Variants in NELL2 observed in about 807,000 individuals in gnomAD.
The protein encoded by NELL2 is neural EGFL like 2, also known as protein kinase C-binding protein NELL2.
In NELL2, 41 loss-of-function variants were observed where a neutral mutation model predicts 109.6. That is an observed-to-expected ratio of 0.37 (90% confidence interval 0.29 to 0.49). NELL2 has a LOEUF of 0.49. Among genes scored for constraint, NELL2 ranks in the 20% least tolerant of loss-of-function variants. The pLI is 0.98. For synonymous variants in NELL2, 355 were observed against 344.7 expected, an observed-to-expected ratio of 1.03 and a Z score of -0.33; for missense variants, 900 against 1,008.3, an observed-to-expected ratio of 0.89 and a Z score of 1.45.
intron 13 of NELL2, among the ~76,000 whole-genome samples, chr12:44,647,358 C>A (rs1947131922): frequency 6.6e-6 from 1 of 152,118 alleles, no homozygotes; most frequent in Non-Finnish European, 1.5e-5. Context: ...ATAAGGGTTC[C>A]TCCACTTAGA....
In NELL2 at chr12:44,522,100, C is replaced by T; in HGVS notation, c.2075G>A (p.Cys692Tyr). Residue 692 changes from cysteine (C) to tyrosine (Y), a missense_variant, in exon 18 of 20, where the codon TGT becomes TAT. Coordinates refer to ENST00000429094, the MANE Select transcript of NELL2 (RefSeq NM_001145108.2). Reference sequence around the variant, plus strand: ...GCACTGACTACTAAGCCTTGGGTCACATTCAGGGCAGCAAAAAAGATCAAC... The same window carrying T: ...GCACTGACTACTAAGCCTTGGGTCATATTCAGGGCAGCAAAAAAGATCAAC... ...PTVDLFCCPECDPRLSSQCLH... is the reference protein window; with the variant it reads ...PTVDLFCCPEYDPRLSSQCLH... The T allele has an allele frequency of 6.2e-7, 1 of 1,614,102 alleles. No individual in the cohort carries two copies. The highest frequency in any genetic ancestry group is 1.6e-4 in the Middle Eastern group (1 of 6,062).
At chr12:44,650,299 AT>A (rs10572082) in intron 13 of NELL2, among the ~76,000 whole-genome samples, 9,820 of 142,924 alleles carry the variant, frequency 0.069, 402 homozygotes, top group Non-Finnish European at 0.092. Context: ...CCACCCCCCA[AT>A]TTTTTTTTTT....
At position 44,543,498 on chromosome 12, in the gene NELL2, TA is replaced by T. The variant is rs1942666427; in HGVS notation, c.1664-10778del. On this transcript the variant is annotated intron_variant, in intron 15 of 19. Coordinates refer to ENST00000429094, the MANE Select transcript of NELL2 (RefSeq NM_001145108.2). Reference sequence around the variant, plus strand: ...TTGTGTCATACTTATGCTCAGATCCTATTTCCCATTCATGGAGAATTTTAGG... The same window carrying T: ...TTGTGTCATACTTATGCTCAGATCCTTTTCCCATTCATGGAGAATTTTAGG... Among the ~76,000 whole-genome samples the T allele has an allele frequency of 2.0e-5, 3 of 152,334 alleles. No homozygotes were observed. In the South Asian group the frequency reaches 6.2e-4, roughly 32 times the overall value.
intron 10 of NELL2, 77 bp from the exon 11 acceptor site, chr12:44,711,471 A>C: frequency 7.9e-7 from 1 of 1,261,262 alleles, no homozygotes; most frequent in Non-Finnish European, 1.1e-6. Flanking sequence ...CCAGCATCTG[A>C]GAAGACTCTT....
rs528265300 is a variant in NELL2, at chr12:44,745,369, C to T, written c.994+29378G>A. Among the ~76,000 whole-genome samples, 182 of 152,290 alleles carry T rather than the reference C, an allele frequency of 1.2e-3. 1 individual carries two copies. Among genetic ancestry groups the T allele is most frequent in the African/African-American group, 4.0e-3 (166 of 41,538 alleles). ...ATACTGAATGGGCAAAAACTGGAAGCATTCCCTTTGAAAACTGGCACAAGA... is the reference window on the plus strand; with the variant it reads ...ATACTGAATGGGCAAAAACTGGAAGTATTCCCTTTGAAAACTGGCACAAGA... On this transcript the variant is annotated intron_variant, in intron 9 of 19. Transcript: ENST00000429094.
chr12:44,721,855 G>T (rs1938791461), intron 9 of NELL2, among the ~76,000 whole-genome samples: 1 of 152,082 alleles, frequency 6.6e-6, no homozygotes, highest in South Asian at 2.1e-4. Flanking sequence ...TTGAGGTGCA[G>T]CTCTATTAGG....
At position 44,601,679 on chromosome 12, in the gene NELL2, T is replaced by A. The variant is rs143529959; in HGVS notation, c.1663+5490A>T. ...ACAGTTCAACTTAAAATTTACAAAA[T>A]CATCATATCAGGTGTCATTTACTGA... On this transcript the variant is annotated intron_variant, in intron 15 of 19. Coordinates refer to ENST00000429094, the MANE Select transcript of NELL2 (RefSeq NM_001145108.2). Among the ~76,000 whole-genome samples, 90 of 152,258 alleles carry A rather than the reference T, an allele frequency of 5.9e-4. 1 individual carries two copies. In the East Asian group the frequency reaches 0.017, roughly 28 times the overall value.
At chr12:44,744,776 A>T (rs1940224291) in intron 9 of NELL2, among the ~76,000 whole-genome samples, 2 of 152,242 alleles carry the variant, frequency 1.3e-5, no homozygotes, top group African/African-American at 4.8e-5. Context: ...CTCTGAATAG[A>T]CCAATAACAG....
At chr12:44,594,677 A>C (rs1324011773) in intron 15 of NELL2, among the ~76,000 whole-genome samples, 1 of 152,230 alleles carries the variant, frequency 6.6e-6, no homozygotes, top group Non-Finnish European at 1.5e-5. Context: ...AAGTCCTTGA[A>C]GATAAAGATC....
chr12:44,810,102 G>T (rs1325335929), intron 3 of NELL2, among the ~76,000 whole-genome samples: 9 of 152,028 alleles, frequency 5.9e-5, no homozygotes, highest in Admixed American at 5.9e-4. Context: ...ACTCTAGCTT[G>T]ATGAAAACTT....
chr12:44,565,846 GA>G (rs1486165873), intron 15 of NELL2, among the ~76,000 whole-genome samples: 2 of 152,196 alleles, frequency 1.3e-5, no homozygotes, highest in Non-Finnish European at 2.9e-5. Context: ...TGGGAAACGA[GA>G]GAAGATGAAG....
intron 14 of NELL2, among the ~76,000 whole-genome samples, chr12:44,608,469 C>T (rs556917789): frequency 2.0e-5 from 3 of 152,136 alleles, no homozygotes; most frequent in African/African-American, 7.2e-5. Flanking sequence ...TCAGCTCCTA[C>T]ATTTAATCTA....
intron 2 of NELL2, among the ~76,000 whole-genome samples, chr12:44,841,871 C>T (rs577343683): frequency 6.6e-6 from 1 of 152,028 alleles, no homozygotes; most frequent in Admixed American, 6.5e-5. Context: ...TGCTCTAGCT[C>T]CTCTAGCCAC....
In NELL2 at chr12:44,532,623, G is replaced by A; in HGVS notation, c.1762C>T (p.His588Tyr). 1 of 1,613,486 alleles carries A rather than the reference G, an allele frequency of 6.2e-7. No homozygotes were observed. The highest frequency in any genetic ancestry group is 8.5e-7 in the Non-Finnish European group (1 of 1,179,632). ...WYHCECRDGY[H>Y]DNGMFSPSGE... ...CTTGGTGAAAACATCCCATTGTCAT[G>A]GTAGCCATCTCTGCACTCACAGTGG... The change falls in exon 16 of 20, where the codon CAT becomes TAT. Residue 588 changes from histidine (H) to tyrosine (Y), a missense_variant. Physicochemically the swap from His to Tyr is moderately conservative, Grantham distance 83 (BLOSUM62 2). Coordinates refer to ENST00000429094, the MANE Select transcript of NELL2 (RefSeq NM_001145108.2).
At chr12:44,531,485 G>T (rs1253276665) in intron 16 of NELL2, among the ~76,000 whole-genome samples, 1 of 152,092 alleles carries the variant, frequency 6.6e-6, no homozygotes, top group Non-Finnish European at 1.5e-5. Flanking sequence ...GTGGTAACAT[G>T]CAAATGCCAG....
intron 15 of NELL2, among the ~76,000 whole-genome samples, chr12:44,578,391 A>G (rs527703078): frequency 2.2e-4 from 33 of 151,536 alleles, no homozygotes; most frequent in Non-Finnish European, 4.0e-4. Flanking sequence ...GAAATCTTCA[A>G]TTCTGAAAAG....
chr12:44,758,176 G>T (rs547264266), intron 9 of NELL2, among the ~76,000 whole-genome samples: 1 of 152,160 alleles, frequency 6.6e-6, no homozygotes, highest in East Asian at 1.9e-4. Context: ...CATATGTTTT[G>T]TGTGATAACT....
Position 44,676,029 on chromosome 12 carries a change from A to T in NELL2, c.1319-10420T>A, listed in dbSNP as rs868306717. 2.6e-5 allele frequency among the ~76,000 whole-genome samples: 4 copies of T among 152,120 alleles called. No individual in the cohort carries two copies. In the South Asian group the frequency reaches 8.3e-4, roughly 32 times the overall value. On this transcript the variant is annotated intron_variant, in intron 12 of 19. Transcript: ENST00000429094. ...TATTTCCAAAGCTACATTTATCTTG[A>T]TTATATCCTGTAAAAAGATTATATT...
At chr12:44,734,497 C>A (rs1849438666) in intron 9 of NELL2, among the ~76,000 whole-genome samples, 1 of 151,614 alleles carries the variant, frequency 6.6e-6, no homozygotes, top group African/African-American at 2.4e-5. Context: ...AATAAACTGT[C>A]TTATTTTGTG....
Sources: gnomAD v4.1 joint callset for allele counts (sites outside exome capture counted in the v4.1 genomes callset) on GRCh38, gnomAD v4.1.1 for gene constraint, MANE v1.5 for transcripts, NCBI Gene and HGNC (gene_info 2026-07-23, HGNC 2026-07-21) for gene names.